Variants in KCNIP4 observed in about 807,000 individuals in gnomAD.
KCNIP4 encodes the protein Kv channel-interacting protein 4.
In KCNIP4, 12 loss-of-function variants were observed where a neutral mutation model predicts 34.0. That is an observed-to-expected ratio of 0.35 (90% CI 0.23 to 0.57). KCNIP4 has a LOEUF of 0.57. Among genes scored for constraint, KCNIP4 ranks in the 20% least tolerant of loss-of-function variants. KCNIP4 has a pLI of 0.83. For synonymous variants in KCNIP4, 124 were observed against 102.2 expected (o/e 1.21, Z -1.29); for missense variants, 238 against 311.7 (o/e 0.76, Z 1.78).
chr4:21,097,505 G>A (rs890096573), intron 1 of KCNIP4, among the ~76,000 whole-genome samples: 1 of 152,062 alleles, frequency 6.6e-6, no homozygotes, highest in Non-Finnish European at 1.5e-5. Flanking sequence ...CTCATTTAAA[G>A]TCTCAGTGTC....
intron 3 of KCNIP4, among the ~76,000 whole-genome samples, chr4:20,830,488 A>G (rs1718285880): frequency 6.6e-6 from 1 of 152,112 alleles, no homozygotes; most frequent in Non-Finnish European, 1.5e-5. Context: ...TAGATTCTGC[A>G]TGTTCTTATG....
At chr4:21,696,631 G>A (rs758691577) in intron 1 of KCNIP4, among the ~76,000 whole-genome samples, 1 of 151,962 alleles carries the variant, frequency 6.6e-6, no homozygotes, top group Admixed American at 6.6e-5. Flanking sequence ...ATTTAATGAC[G>A]GCATTGCCTA....
At chr4:21,108,206 G>T (rs1748768982) in intron 1 of KCNIP4, among the ~76,000 whole-genome samples, 1 of 150,294 alleles carries the variant, frequency 6.7e-6, no homozygotes, top group Non-Finnish European at 1.5e-5. Flanking sequence ...TTTCCAACTT[G>T]GTTCCATTCT....
At chr4:21,338,921 A>G (rs1716459056) in intron 1 of KCNIP4, among the ~76,000 whole-genome samples, 1 of 152,144 alleles carries the variant, frequency 6.6e-6, no homozygotes, top group South Asian at 2.1e-4. Context: ...AAGATACAAA[A>G]CTATAGAATT....
At chr4:21,883,469 G>C (rs905516058) in intron 1 of KCNIP4, among the ~76,000 whole-genome samples, 51 of 152,076 alleles carry the variant, frequency 3.4e-4, no homozygotes, top group African/African-American at 1.2e-3. Context: ...TTAAAGTTGG[G>C]GAGAGTTAGA....
chr4:21,259,885 C>CTGTGTGTGTGTGG (rs1761339087), intron 1 of KCNIP4, among the ~76,000 whole-genome samples: 2 of 145,906 alleles, frequency 1.4e-5, no homozygotes, highest in African/African-American at 2.5e-5. Flanking sequence ...GCGCCCAAGA[C>CTGTGTGTGTGTGG]TGTGTGTGTG....
chr4:21,454,697 A>G (rs895349653), intron 1 of KCNIP4, among the ~76,000 whole-genome samples: 1 of 152,142 alleles, frequency 6.6e-6, no homozygotes, highest in East Asian at 1.9e-4. Flanking sequence ...CAAATATTAG[A>G]GGCAATAAAG....
chr4:21,536,496 C>G (rs1005734890), intron 1 of KCNIP4, among the ~76,000 whole-genome samples: 1 of 134,950 alleles, frequency 7.4e-6, no homozygotes, highest in Admixed American at 7.4e-5. Context: ...ATGGTTAACA[C>G]GTCAGGGCAC....
intron 2 of KCNIP4, among the ~76,000 whole-genome samples, chr4:20,853,369 A>T (rs1292232112): frequency 1.3e-5 from 2 of 152,166 alleles, no homozygotes; most frequent in Non-Finnish European, 2.9e-5. Flanking sequence ...TTGACAAAGC[A>T]AACAAAAACA....
At chr4:21,321,470 T>C (rs1323980980) in intron 1 of KCNIP4, among the ~76,000 whole-genome samples, 1 of 152,096 alleles carries the variant, frequency 6.6e-6, no homozygotes, top group African/African-American at 2.4e-5. Context: ...CTAAGTGTTC[T>C]ACAAGATAGA....
intron 1 of KCNIP4, among the ~76,000 whole-genome samples, chr4:21,312,515 A>G (rs1443176852): frequency 1.3e-5 from 2 of 152,210 alleles, no homozygotes; most frequent in African/African-American, 4.8e-5. Flanking sequence ...CCAGCTCTTC[A>G]AAACTAGCTG....
chr4:21,180,165 TA>T (rs992709290), intron 1 of KCNIP4, among the ~76,000 whole-genome samples: 1 of 152,146 alleles, frequency 6.6e-6, no homozygotes, highest in African/African-American at 2.4e-5. Context: ...AATAAGTACC[TA>T]AAAATGTAAT....
At chr4:20,933,045 A>G (rs1405702047) in intron 1 of KCNIP4, among the ~76,000 whole-genome samples, 1 of 152,132 alleles carries the variant, frequency 6.6e-6, no homozygotes, top group Non-Finnish European at 1.5e-5. Context: ...CAGGAGTTCA[A>G]GACCAGCCTG....
At chr4:20,927,093 C>T (rs1280009041) in intron 1 of KCNIP4, among the ~76,000 whole-genome samples, 1 of 152,126 alleles carries the variant, frequency 6.6e-6, no homozygotes, top group Admixed American at 6.6e-5. Flanking sequence ...ATTCTTCCTA[C>T]TTAGCCTCCG....
chr4:21,849,570 T>C (rs192494266), intron 1 of KCNIP4: 1 of 152,218 alleles, frequency 6.6e-6, no homozygotes, highest in African/African-American at 2.4e-5. Context: ...ATCCAAAATA[T>C]TGATCATCAT....
intron 1 of KCNIP4, among the ~76,000 whole-genome samples, chr4:21,106,262 C>T (rs917686836): frequency 1.3e-5 from 2 of 151,714 alleles, no homozygotes. Flanking sequence ...ATTATTGCCA[C>T]AATTTCAGAG....
intron 1 of KCNIP4, among the ~76,000 whole-genome samples, chr4:21,661,189 C>T (rs958184517): frequency 2.0e-5 from 3 of 152,148 alleles, no homozygotes; most frequent in Admixed American, 6.5e-5. Flanking sequence ...CACTCCATCT[C>T]CTTTCCAGCT....
At chr4:21,643,874 A>C (rs1746809292) in intron 1 of KCNIP4, among the ~76,000 whole-genome samples, 1 of 95,590 alleles carries the variant, frequency 1.0e-5, no homozygotes, top group African/African-American at 4.6e-5. Context: ...TGATGATGAT[A>C]GATAGATAGA....
intron 3 of KCNIP4, among the ~76,000 whole-genome samples, chr4:20,785,801 A>G (rs1408296208): frequency 2.0e-5 from 3 of 152,106 alleles, no homozygotes; most frequent in African/African-American, 2.4e-5. Flanking sequence ...TAAGTCCCCA[A>G]TCTATAAAAC....
Sources: gnomAD v4.1 joint callset for allele counts (sites outside exome capture counted in the v4.1 genomes callset) on GRCh38, gnomAD v4.1.1 for gene constraint, MANE v1.5 for transcripts, NCBI Gene and HGNC (gene_info 2026-07-23, HGNC 2026-07-21) for gene names.